The following SLC25A29 variants were observed in gnomAD, a reference collection of about 807,000 sequenced individuals.
The protein encoded by SLC25A29 is solute carrier family 25 member 29, also known as mitochondrial basic amino acids transporter.
Under a neutral mutation model 10.0 loss-of-function variants are expected in SLC25A29, and 13 were observed. That is an observed-to-expected ratio of 1.30 (90% CI 0.85 to 2.07). The LOEUF is 2.07. Among genes scored for constraint, SLC25A29 ranks in the 30% most tolerant of loss-of-function variants. The probability of loss-of-function intolerance (pLI) is 0.00; values close to 1 mark genes in which losing one functional copy is unlikely to be tolerated. For synonymous variants in SLC25A29, 244 were observed against 221.1 expected (o/e 1.10, Z -0.92); for missense variants, 475 against 447.6 (o/e 1.06, Z -0.55).
At chr14:100,283,831 T>G in the SLC25A29 span, among the ~76,000 whole-genome samples, 1 of 152,140 alleles carries the variant, frequency 6.6e-6, no homozygotes, top group Non-Finnish European at 1.5e-5. Flanking sequence ...CCAGTATCTC[T>G]CCTTTATACT....
rs781554768 is a variant in SLC25A29 at position 100,292,490 on chromosome 14, C to A, written c.705G>T (p.Val235=). The A allele has an allele frequency of 6.3e-7, 1 of 1,586,890 alleles. No homozygotes were observed. The highest frequency in any genetic ancestry group is 1.1e-5 in the South Asian group (1 of 87,796). ...AGCCCTCGGCGCGGTAGCTCTGGTG[C>A]ACGCAGTCCAGGATGCCGCGGTAGC... The part of the protein sequence containing the change: ...APRYRGILDC[V]HQSYRAEGWR... The change falls in exon 4 of 4, where the codon GTG becomes GTT. Residue 235 remains valine, a synonymous_variant. Transcript: ENST00000359232.
chr14:100,292,563 T>G lies in SLC25A29; in HGVS notation c.632A>C (p.Asp211Ala). The G allele has an allele frequency of 6.2e-7, 1 of 1,602,556 alleles. No homozygotes were observed. Among genetic ancestry groups the G allele is most frequent in the African/African-American group, 1.3e-5 (1 of 74,834 alleles). ...IVSWLSTYPV[D>A]VVKSRLQADG... ...CGCCTGCAGCCGCGACTTGACCACG[T>G]CCACAGGATAGGTAGAGAGCCAGGA... The change falls in exon 4 of 4, where the codon GAC becomes GCC. Residue 211 changes from aspartate to alanine, a missense_variant. Physicochemically the swap from Asp to Ala is moderately radical, Grantham distance 126. Transcript: ENST00000359232.
In SLC25A29 at chr14:100,292,421, G is replaced by A; in HGVS notation, c.774C>T (p.Ala258=). 1 of 1,577,846 alleles carries A rather than the reference G, an allele frequency of 6.3e-7. No homozygotes were observed. Among genetic ancestry groups the A allele is most frequent in the East Asian group, 2.3e-5 (1 of 43,238 alleles). The change falls in exon 4 of 4, where the codon GCC becomes GCT. Residue 258 remains alanine, a synonymous_variant. Coordinates refer to ENST00000359232, the MANE Select transcript of SLC25A29 (RefSeq NM_001039355.3). ...TRGLASTLLR[A]FPVNAATFAT... ...CGAAGGTGGCAGCGTTGACGGGGAA[G>A]GCGCGCAGCAGCGTGGACGCCAGCC...
the SLC25A29 span, among the ~76,000 whole-genome samples, chr14:100,285,535 C>A: frequency 6.6e-6 from 1 of 151,874 alleles, no homozygotes; most frequent in African/African-American, 2.4e-5. Flanking sequence ...GCGGTGGGGG[C>A]TGTCCAGAAT....
At chr14:100,284,705 C>G in the SLC25A29 span, among the ~76,000 whole-genome samples, 3 of 152,178 alleles carry the variant, frequency 2.0e-5, no homozygotes, top group South Asian at 4.1e-4. Context: ...CCTACTGGCA[C>G]TGGCATGACA....
Position 100,291,910 on chromosome 14 carries a change from G to C in SLC25A29, c.*373C>G. The C allele has an allele frequency of 3.4e-6, 1 of 294,540 alleles. No homozygotes were observed. The highest frequency in any genetic ancestry group is 6.5e-6 in the Non-Finnish European group (1 of 154,956). The allele number at this position is 294,540 out of a possible 1,614,324, so 18.2% of individuals were successfully genotyped here. A position where few individuals can be genotyped will look rare whatever the true frequency, so the allele number is the denominator to read the frequency against. ...CCTTGGTTGGCCATCAGAGACCCCC[G>C]GGAGCCAGCCTGCAGGGCAGGAGCA... On this transcript the variant is annotated 3_prime_UTR_variant, in exon 4 of 4. Transcript: ENST00000359232.
chr14:100,287,747 A>G (rs1891574070), downstream of SLC25A29, among the ~76,000 whole-genome samples: 2 of 150,618 alleles, frequency 1.3e-5, no homozygotes, highest in South Asian at 4.2e-4. Context: ...GGTCTTCAAA[A>G]CATAAATTGG....
At chr14:100,302,500 C>CA (rs1163404555) in intron 1 of SLC25A29, among the ~76,000 whole-genome samples, 7 of 151,918 alleles carry the variant, frequency 4.6e-5, no homozygotes, top group Non-Finnish European at 1.0e-4. Flanking sequence ...GCTGGGACTA[C>CA]AGGTGCGTGC....
downstream of SLC25A29, among the ~76,000 whole-genome samples, chr14:100,290,080 C>T (rs139787750): frequency 2.8e-3 from 421 of 152,266 alleles, 1 homozygote; most frequent in Non-Finnish European, 4.1e-3. Flanking sequence ...CCGCAGGGTT[C>T]GTGGAGAAGC....
intron 1 of SLC25A29, among the ~76,000 whole-genome samples, chr14:100,302,421 G>A (rs752304117): frequency 2.7e-5 from 4 of 149,646 alleles, no homozygotes; most frequent in Non-Finnish European, 5.9e-5. Context: ...GTGCAATGGC[G>A]CGATCTCGGC....
chr14:100,288,129 T>G (rs893657537), downstream of SLC25A29, among the ~76,000 whole-genome samples: 1 of 152,106 alleles, frequency 6.6e-6, no homozygotes, highest in South Asian at 2.1e-4. Flanking sequence ...ATGCCTGTAA[T>G]CTCAGCATTT....
At chr14:100,295,908 T>C (rs1892115210) in intron 2 of SLC25A29, 6 of 1,289,616 alleles carry the variant, frequency 4.7e-6, no homozygotes, top group Non-Finnish European at 6.1e-6. Flanking sequence ...TAGAAACGTG[T>C]GAAGGCCGTG....
At chr14:100,283,029 G>A in the SLC25A29 span, among the ~76,000 whole-genome samples, 1 of 152,220 alleles carries the variant, frequency 6.6e-6, no homozygotes, top group East Asian at 1.9e-4. Context: ...GCAAGAGGGC[G>A]TTTTAAAGAG....
intron 2 of SLC25A29, among the ~76,000 whole-genome samples, chr14:100,297,676 G>C (rs992299338): frequency 2.0e-5 from 3 of 152,244 alleles, no homozygotes; most frequent in Non-Finnish European, 4.4e-5. Flanking sequence ...CTCACTCTCG[G>C]CAGGCCGGTG....
chr14:100,283,826 A>G, the SLC25A29 span, among the ~76,000 whole-genome samples: 2 of 152,054 alleles, frequency 1.3e-5, no homozygotes, highest in South Asian at 4.1e-4. Context: ...TGAAACCAGT[A>G]TCTCTCCTTT....
At chr14:100,301,705 T>G (rs1468560516) in intron 1 of SLC25A29, among the ~76,000 whole-genome samples, 1 of 149,874 alleles carries the variant, frequency 6.7e-6, no homozygotes, top group Non-Finnish European at 1.5e-5. Context: ...GAGACGGGGT[T>G]TCACCTTTGT....
chr14:100,293,104 G>A (rs946904358), intron 3 of SLC25A29, 72 bp from the exon 4 acceptor site: 24 of 1,464,594 alleles, frequency 1.6e-5, no homozygotes, highest in Middle Eastern at 1.9e-4. Context: ...AGGGGGTCGG[G>A]GGATGGCAGC....
downstream of SLC25A29, among the ~76,000 whole-genome samples, chr14:100,289,745 G>T (rs2139645454): frequency 6.6e-6 from 1 of 151,044 alleles, no homozygotes; most frequent in African/African-American, 2.4e-5. Flanking sequence ...TGGAGGCTGA[G>T]GCAGAAGAAT....
the SLC25A29 span, among the ~76,000 whole-genome samples, chr14:100,285,178 G>A: frequency 1.3e-5 from 2 of 151,998 alleles, no homozygotes; most frequent in African/African-American, 4.8e-5. Flanking sequence ...GGAATATCCC[G>A]GGAGCTGGTG....
Sources: gnomAD v4.1 joint callset for allele counts (sites outside exome capture counted in the v4.1 genomes callset) on GRCh38, gnomAD v4.1.1 for gene constraint, MANE v1.5 for transcripts, NCBI Gene and HGNC (gene_info 2026-07-23, HGNC 2026-07-21) for gene names.